EIF4ENIF1: variants seen among roughly 807,000 people sequenced by gnomAD.
EIF4ENIF1 encodes eukaryotic translation initiation factor 4E transporter.
A neutral mutation model predicts 110.5 loss-of-function variants in EIF4ENIF1; 23 were observed. The ratio of observed to expected loss-of-function variants is 0.21; its 90% CI spans 0.15 to 0.29. The LOEUF (loss-of-function observed/expected upper bound fraction) is 0.29. EIF4ENIF1 is among the 10% of genes least tolerant of loss of function. The pLI, the probability that EIF4ENIF1 is intolerant of heterozygous loss-of-function variation, is 1.00. For synonymous variants in EIF4ENIF1, 440 were observed against 437.0 expected, an observed-to-expected ratio of 1.01 and a Z score of -0.09; for missense variants, 1,031 against 1,221.1, an observed-to-expected ratio of 0.84 and a Z score of 2.32.
intron 4 of EIF4ENIF1, among the ~76,000 whole-genome samples, chr22:31,465,773 T>G (rs1347833449): frequency 6.6e-6 from 1 of 152,188 alleles, no homozygotes; most frequent in Non-Finnish European, 1.5e-5. Flanking sequence ...ACAACCCAAA[T>G]GTACATCAAC....
chr22:31,445,859 G>T (rs774032500), intron 14 of EIF4ENIF1, among the ~76,000 whole-genome samples: 1 of 151,880 alleles, frequency 6.6e-6, no homozygotes, highest in Non-Finnish European at 1.5e-5. Context: ...AAACATGAAG[G>T]CTAGACTGAA....
rs1309838117 is a variant in EIF4ENIF1 at position 31,484,385 on chromosome 22, GAAC to G, written c.96+4235_96+4237del. ...GAAAAACAAAAACTCTTCGAATTCT[GAAC>G]AACAAACTACTAACATTATCCCAGA... On this transcript the variant is annotated intron_variant, in intron 2 of 18. Coordinates refer to ENST00000330125, the MANE Select transcript of EIF4ENIF1 (RefSeq NM_019843.4). Among the ~76,000 whole-genome samples, 4 of 152,210 alleles carry G rather than the reference GAAC, an allele frequency of 2.6e-5. No individual in the cohort carries two copies. In the East Asian group the frequency reaches 7.7e-4, roughly 29 times the overall value.
intron 12 of EIF4ENIF1, 48 bp downstream of exon 12, chr22:31,449,300 G>A (rs538248772): frequency 7.0e-6 from 11 of 1,577,564 alleles, no homozygotes; most frequent in Middle Eastern, 1.7e-4. Flanking sequence ...ATGAGCTACC[G>A]TGCCTGGCCA....
chr22:31,486,257 C>T (rs181554837), intron 2 of EIF4ENIF1, among the ~76,000 whole-genome samples: 21 of 143,382 alleles, frequency 1.5e-4, no homozygotes, highest in Admixed American at 8.6e-4. Flanking sequence ...GCGACAAGAG[C>T]GAAACTCCGT....
intron 17 of EIF4ENIF1, among the ~76,000 whole-genome samples, chr22:31,441,197 G>C (rs2050283875): frequency 2.0e-5 from 3 of 152,140 alleles, no homozygotes; most frequent in African/African-American, 7.2e-5. Context: ...AGGTTGCAGT[G>C]AGCAGAGATC....
chr22:31,487,684 G>A (rs769894617), intron 2 of EIF4ENIF1, among the ~76,000 whole-genome samples: 1 of 151,864 alleles, frequency 6.6e-6, no homozygotes, highest in Non-Finnish European at 1.5e-5. Context: ...CAGCTACTCA[G>A]GAGACTGAGA....
intron 8 of EIF4ENIF1, 81 bp from the exon 9 acceptor site, chr22:31,455,396 T>A: frequency 1.6e-4 from 34 of 211,122 alleles, no homozygotes; most frequent in East Asian, 5.5e-4. Context: ...TCTTTCTTTC[T>A]TTTTTTTTTT....
intron 14 of EIF4ENIF1, among the ~76,000 whole-genome samples, chr22:31,445,229 G>C (rs144447615): frequency 3.5e-4 from 53 of 152,278 alleles, no homozygotes; most frequent in African/African-American, 1.3e-3. Context: ...ACTGGGCAGG[G>C]AGCGGCAATA....
chr22:31,473,419 T>C (rs78273469), intron 2 of EIF4ENIF1, among the ~76,000 whole-genome samples: 6,001 of 152,234 alleles, frequency 0.039, 279 homozygotes, highest in African/African-American at 0.095. Flanking sequence ...GTTTTGTAAA[T>C]TGACCCAGTA....
chr22:31,445,339 C>T (rs576142089), intron 14 of EIF4ENIF1, among the ~76,000 whole-genome samples: 1 of 152,212 alleles, frequency 6.6e-6, no homozygotes, highest in African/African-American at 2.4e-5. Flanking sequence ...CACTCTTGGT[C>T]TACACAAGAT....
At position 31,468,251 on chromosome 22, in the gene EIF4ENIF1, T is replaced by C. The variant is rs376987009; in HGVS notation, c.222A>G (p.Ser74=). ...EKWHASLYPA[S]GRSSPVESLK... ...GACTTTCCACTGGTGAGCTCCGCCC[T>C]GAAGCTGGGTAGAGAGAGGCATGCC... is the stretch of plus-strand genomic sequence containing the variant. The change falls in exon 4 of 19, where the codon TCA becomes TCG. Residue 74 remains serine, a synonymous_variant. Transcript: ENST00000330125. 6.2e-6 allele frequency: 10 copies of C among 1,614,168 alleles called. 1 individual carries two copies. The highest frequency in any genetic ancestry group is 1.6e-4 in the Middle Eastern group (1 of 6,062).
At chr22:31,457,267 C>T (rs1437551338) in intron 7 of EIF4ENIF1, among the ~76,000 whole-genome samples, 2 of 152,176 alleles carry the variant, frequency 1.3e-5, no homozygotes, top group Non-Finnish European at 2.9e-5. Flanking sequence ...TTAAATAACA[C>T]ACTATGAACA....
At chr22:31,480,528 C>A (rs1334334054) in intron 2 of EIF4ENIF1, among the ~76,000 whole-genome samples, 1 of 152,006 alleles carries the variant, frequency 6.6e-6, no homozygotes, top group Admixed American at 6.6e-5. Context: ...GAGGGTGAGA[C>A]GGGCAGATCA....
At chr22:31,448,093 C>A (rs2050531752) in intron 13 of EIF4ENIF1, 60 bp downstream of exon 13, 1 of 1,572,008 alleles carries the variant, frequency 6.4e-7, no homozygotes, top group Admixed American at 1.7e-5. Flanking sequence ...TCTCCACTCC[C>A]CATGCACCAA....
chr22:31,446,416 C>T (rs987937164), intron 14 of EIF4ENIF1, among the ~76,000 whole-genome samples: 2 of 151,906 alleles, frequency 1.3e-5, no homozygotes, highest in South Asian at 2.1e-4. Context: ...CTCTCTGTTT[C>T]GGTGGAAGGG....
At chr22:31,448,802 A>G (rs910045515) in intron 12 of EIF4ENIF1, among the ~76,000 whole-genome samples, 19 of 152,232 alleles carry the variant, frequency 1.2e-4, no homozygotes, top group African/African-American at 3.9e-4. Flanking sequence ...ATAGCTTCAT[A>G]GATAACCACT....
At chr22:31,469,319 T>G (rs973036390) in intron 3 of EIF4ENIF1, among the ~76,000 whole-genome samples, 2 of 152,212 alleles carry the variant, frequency 1.3e-5, no homozygotes, top group African/African-American at 4.8e-5. Flanking sequence ...TACTTCACAC[T>G]TGTCCTTTGC....
At position 31,458,488 on chromosome 22, in the gene EIF4ENIF1, G is replaced by A. The variant is rs1403544936; in HGVS notation, c.950C>T (p.Pro317Leu). Residue 317 changes from proline (P) to leucine (L), a missense_variant, in exon 7 of 19, where the codon CCA becomes CTA. By Grantham distance (98) the Pro-to-Leu change is moderately conservative. This residue lies in a region of EIF4ENIF1 where 704 missense variants were observed against 879.7 expected (regional missense o/e 0.80). Transcript: ENST00000330125. ...TGCTACACTCACCGAAGCCAAGCATGGCACCTTATCAAGGTTAAAGAACTC... is the reference window on the plus strand; with the variant it reads ...TGCTACACTCACCGAAGCCAAGCATAGCACCTTATCAAGGTTAAAGAACTC... ...FNEFFNLDKV[P>L]CLASMIEDVL... The A allele has an allele frequency of 1.3e-6, 2 of 1,595,520 alleles. No individual in the cohort carries two copies. The highest frequency in any genetic ancestry group is 1.7e-6 in the Non-Finnish European group (2 of 1,166,916).
intron 1 of EIF4ENIF1, chr22:31,488,999 C>A (rs114092696): frequency 2.6e-6 from 1 of 379,032 alleles, no homozygotes; most frequent in Non-Finnish European, 4.8e-6. Context: ...AACCTTTAAG[C>A]AGCTTTAACA....
Sources: allele counts gnomAD v4.1 joint callset (sites outside exome capture counted in the v4.1 genomes callset), GRCh38; gene constraint gnomAD v4.1.1; regional missense constraint gnomAD v4.1.1; transcripts MANE v1.5; gene names NCBI Gene and HGNC (gene_info 2026-07-23, HGNC 2026-07-21).